The following MALRD1 variants were observed in gnomAD, a reference collection of about 807,000 sequenced individuals.
The protein encoded by MALRD1 is MAM and LDL-receptor class A domain-containing protein 1.
Under a neutral mutation model 242.1 loss-of-function variants are expected in MALRD1, and 247 were observed. That is an observed-to-expected ratio of 1.02 (90% CI 0.92 to 1.13). The LOEUF (loss-of-function observed/expected upper bound fraction) is 1.13, where lower values mean the gene tolerates loss of function less well. Ranked by LOEUF, MALRD1 falls within the 50% of genes most tolerant of loss-of-function variation. The probability of loss-of-function intolerance (pLI) is 0.00; values close to 1 mark genes in which losing one functional copy is unlikely to be tolerated. For synonymous variants in MALRD1, 995 were observed against 866.6 expected, an observed-to-expected ratio of 1.15 and a Z score of -2.60; for missense variants, 2,989 against 2,533.1, an observed-to-expected ratio of 1.18 and a Z score of -3.86.
chr10:19,465,527 G>A (rs931024816), intron 29 of MALRD1, among the ~76,000 whole-genome samples: 1 of 152,098 alleles, frequency 6.6e-6, no homozygotes, highest in East Asian at 1.9e-4. Context: ...ATTCTCTGGA[G>A]TCTTTTTAAA....
chr10:19,174,386 G>A (rs146389403), intron 13 of MALRD1, among the ~76,000 whole-genome samples: 227 of 152,288 alleles, frequency 1.5e-3, no homozygotes, highest in African/African-American at 4.8e-3. Context: ...GAGATAGCAT[G>A]TTCTGAGCCC....
rs199676749 is a variant in MALRD1, at chr10:19,296,298, A to G, written c.3419+13117A>G. The stretch of plus-strand genomic sequence containing the variant: ...CAAATGTAATTATTTCCTCTGCCAG[A>G]ATTACAGTCCTTTACATTCTAGTGT... On this transcript the variant is annotated intron_variant, in intron 21 of 39. Coordinates refer to ENST00000454679, the MANE Select transcript of MALRD1 (RefSeq NM_001142308.3). 1.3e-4 allele frequency among the ~76,000 whole-genome samples: 20 copies of G among 152,212 alleles called. No homozygotes were observed. In the East Asian group the frequency reaches 3.7e-3, roughly 28 times the overall value.
intron 5 of MALRD1, among the ~76,000 whole-genome samples, chr10:19,120,075 T>C (rs1385464277): frequency 6.6e-6 from 1 of 151,944 alleles, no homozygotes; most frequent in African/African-American, 2.4e-5. Flanking sequence ...ATTTTATGAG[T>C]CACCAGCATT....
At chr10:19,617,029 G>A (rs12249004) in intron 36 of MALRD1, among the ~76,000 whole-genome samples, 4,999 of 151,998 alleles carry the variant, frequency 0.033, 239 homozygotes, top group African/African-American at 0.11. Context: ...CCTGAAAGAA[G>A]TTTGAATGAT....
Position 19,347,756 on chromosome 10 carries a change from G to A in MALRD1, c.3902-15G>A. On this transcript the variant is annotated splice_polypyrimidine_tract_variant and intron_variant, in intron 24 of 39. Transcript: ENST00000454679. Reference sequence around the variant, plus strand: ...TTTCCATTTTCTGTAACATATATTTGGAAATATTTTCCAGGTACCTCCAGT... The same window carrying A: ...TTTCCATTTTCTGTAACATATATTTAGAAATATTTTCCAGGTACCTCCAGT... The A allele has an allele frequency of 6.5e-7, 1 of 1,548,974 alleles. No homozygotes were observed. Among genetic ancestry groups the A allele is most frequent in the Non-Finnish European group, 8.7e-7 (1 of 1,146,188 alleles).
At chr10:19,294,290 G>A (rs1429506014) in intron 21 of MALRD1, among the ~76,000 whole-genome samples, 7 of 152,200 alleles carry the variant, frequency 4.6e-5, no homozygotes, top group East Asian at 1.9e-4. Context: ...TAGGAAAAAC[G>A]TTTCCCAAAC....
At chr10:19,193,501 G>A (rs1357512371) in intron 14 of MALRD1, among the ~76,000 whole-genome samples, 1 of 152,106 alleles carries the variant, frequency 6.6e-6, no homozygotes, top group Non-Finnish European at 1.5e-5. Context: ...GCTGCATTGA[G>A]CCGTGATCAT....
intron 38 of MALRD1, among the ~76,000 whole-genome samples, chr10:19,706,416 C>T (rs1365284032): frequency 1.3e-5 from 2 of 151,932 alleles, no homozygotes; most frequent in Non-Finnish European, 2.9e-5. Flanking sequence ...CAACCTCTGC[C>T]CCCGCCCCCC....
At chr10:19,364,803 G>T (rs1387325196) in intron 26 of MALRD1, among the ~76,000 whole-genome samples, 9 of 152,086 alleles carry the variant, frequency 5.9e-5, no homozygotes, top group Non-Finnish European at 1.5e-5. Flanking sequence ...TGTAATAGGG[G>T]TGAGATGTGC....
chr10:19,718,531 T>C (rs1452906822), intron 38 of MALRD1, among the ~76,000 whole-genome samples: 4 of 152,192 alleles, frequency 2.6e-5, no homozygotes, highest in Non-Finnish European at 5.9e-5. Context: ...GCTAAGCCTT[T>C]CCTGGGGATC....
chr10:19,161,563 A>AAAG (rs1834417168), intron 12 of MALRD1, among the ~76,000 whole-genome samples: 2 of 147,552 alleles, frequency 1.4e-5, no homozygotes, highest in East Asian at 2.0e-4. Context: ...AAAAAAAAAA[A>AAAG]AAAAGAAAAT....
At chr10:19,262,642 C>G (rs1839800233) in intron 19 of MALRD1, among the ~76,000 whole-genome samples, 3 of 123,030 alleles carry the variant, frequency 2.4e-5, no homozygotes, top group Admixed American at 2.0e-4. Context: ...CGCGACAGAG[C>G]AAGAGTCTGT....
intron 28 of MALRD1, among the ~76,000 whole-genome samples, chr10:19,419,358 G>A (rs936472397): frequency 1.3e-5 from 2 of 151,938 alleles, no homozygotes; most frequent in Non-Finnish European, 2.9e-5. Context: ...GCAGTGGCAC[G>A]ATCTCAGCTC....
At chr10:19,201,857 C>G (rs1378658790) in intron 14 of MALRD1, among the ~76,000 whole-genome samples, 1 of 151,986 alleles carries the variant, frequency 6.6e-6, no homozygotes, top group African/African-American at 2.4e-5. Context: ...ACTCTGTCAC[C>G]CAGGCTGGAG....
chr10:19,253,429 A>G (rs1442673597), intron 18 of MALRD1, among the ~76,000 whole-genome samples: 2 of 151,974 alleles, frequency 1.3e-5, no homozygotes, highest in Non-Finnish European at 2.9e-5. Flanking sequence ...TGTCGATTTT[A>G]TCCTGTTTAG....
chr10:19,429,488 C>CGGG (rs908035832), intron 28 of MALRD1, among the ~76,000 whole-genome samples: 4 of 152,020 alleles, frequency 2.6e-5, no homozygotes, highest in African/African-American at 9.7e-5. Flanking sequence ...CACGTGAACC[C>CGGG]GGGAGGTGGA....
chr10:19,644,681 T>C (rs912939637), intron 36 of MALRD1, among the ~76,000 whole-genome samples: 2 of 152,196 alleles, frequency 1.3e-5, no homozygotes, highest in Admixed American at 6.5e-5. Context: ...ATGGTCACCA[T>C]TTTTTAATAT....
intron 19 of MALRD1, among the ~76,000 whole-genome samples, chr10:19,270,807 A>AACACACACACACACACACACAC (rs71387059): frequency 6.9e-6 from 1 of 145,054 alleles, no homozygotes; most frequent in South Asian, 2.3e-4. Flanking sequence ...TTCAAAGGAT[A>AACACACACACACACACACACAC]ACACACACAC....
chr10:19,085,612 ATAATT>A (rs908595523), intron 2 of MALRD1, among the ~76,000 whole-genome samples: 1 of 151,984 alleles, frequency 6.6e-6, no homozygotes, highest in African/African-American at 2.4e-5. Context: ...AAAATACAGA[ATAATT>A]TATAGTGCCA....
Sources: allele counts gnomAD v4.1 joint callset (sites outside exome capture counted in the v4.1 genomes callset), GRCh38; gene constraint gnomAD v4.1.1; transcripts MANE v1.5; gene names NCBI Gene and HGNC (gene_info 2026-07-23, HGNC 2026-07-21).